Variants in IGF2BP3 observed in about 807,000 individuals in gnomAD.
IGF2BP3 encodes insulin-like growth factor 2 mRNA-binding protein 3.
In IGF2BP3, 9 loss-of-function variants were observed where a neutral mutation model predicts 73.8. The observed-to-expected ratio is 0.12, with a 90% CI of 0.07 to 0.21. The LOEUF is 0.21. IGF2BP3 is among the 10% of genes least tolerant of loss of function. The pLI is 1.00. For missense variants in IGF2BP3, 542 were observed against 714.0 expected, an observed-to-expected ratio of 0.76 and a Z score of 2.75; for synonymous variants, 258 against 256.7, an observed-to-expected ratio of 1.01 and a Z score of -0.05.
At chr7:23,380,355 G>T (rs371967842) in intron 3 of IGF2BP3, among the ~76,000 whole-genome samples, 1 of 151,886 alleles carries the variant, frequency 6.6e-6, no homozygotes, top group South Asian at 2.1e-4. Context: ...AGTAGAGACG[G>T]GGTTTCACTG....
intron 12 of IGF2BP3, among the ~76,000 whole-genome samples, chr7:23,314,251 T>A (rs1476316458): frequency 6.6e-6 from 1 of 151,738 alleles, no homozygotes; most frequent in Admixed American, 6.6e-5. Context: ...GGCACGATCT[T>A]GGGTCACTGC....
chr7:23,391,088 C>T (rs1390732533), intron 3 of IGF2BP3, among the ~76,000 whole-genome samples: 1 of 145,364 alleles, frequency 6.9e-6, no homozygotes, highest in African/African-American at 2.5e-5. Context: ...CGTGAACCAT[C>T]GCGCCTGGCT....
intron 3 of IGF2BP3, among the ~76,000 whole-genome samples, chr7:23,392,607 C>G (rs1214982011): frequency 2.0e-5 from 3 of 151,676 alleles, no homozygotes; most frequent in African/African-American, 7.3e-5. Flanking sequence ...TTTCTGTTTT[C>G]TACAGTGAAC....
chr7:23,400,652 C>G (rs112801494), intron 3 of IGF2BP3, among the ~76,000 whole-genome samples: 1 of 152,226 alleles, frequency 6.6e-6, no homozygotes, highest in African/African-American at 2.4e-5. Flanking sequence ...CACACGAGAA[C>G]AACTTCAAAA....
chr7:23,443,065 CGT>C (rs1787973025), intron 2 of IGF2BP3, among the ~76,000 whole-genome samples: 1 of 149,584 alleles, frequency 6.7e-6, no homozygotes, highest in African/African-American at 2.5e-5. Context: ...AAAAGTAAAC[CGT>C]ATCAATCAGA....
At chr7:23,333,350 A>G (rs1784489346) in intron 10 of IGF2BP3, among the ~76,000 whole-genome samples, 1 of 152,220 alleles carries the variant, frequency 6.6e-6, no homozygotes, top group Non-Finnish European at 1.5e-5. Flanking sequence ...CCCAGAGAAC[A>G]CTAATGTAGC....
At position 23,470,077 on chromosome 7, in the gene IGF2BP3, T is replaced by C; in HGVS notation, c.34A>G (p.Asn12Asp). The C allele has an allele frequency of 6.2e-7, 1 of 1,609,550 alleles. No individual in the cohort carries two copies. Among genetic ancestry groups the C allele is most frequent in the South Asian group, 1.1e-5 (1 of 90,504 alleles). The change falls in exon 1 of 15, where the codon AAC becomes GAC. Residue 12 changes from asparagine to aspartate, a missense_variant. This residue lies in a region of IGF2BP3 where 239 missense variants were observed against 241.9 expected (regional missense o/e 0.99). Coordinates refer to ENST00000258729, the MANE Select transcript of IGF2BP3 (RefSeq NM_006547.3). ...NKLYIGNLSE[N>D]AAPSDLESIF... ...CTTTCTAGGTCCGAGGGGGCGGCGTTCTCGCTGAGGTTTCCGATATACAGT... is the reference window on the plus strand; with the variant it reads ...CTTTCTAGGTCCGAGGGGGCGGCGTCCTCGCTGAGGTTTCCGATATACAGT...
Position 23,435,292 on chromosome 7 carries a change from C to CAAA in IGF2BP3, c.237-16471_237-16469dup, listed in dbSNP as rs35846648. Among the ~76,000 whole-genome samples, 39 of 47,958 alleles carry CAAA rather than the reference C, an allele frequency of 8.1e-4. 1 individual carries two copies. The highest frequency in any genetic ancestry group is 2.2e-3 in the African/African-American group (30 of 13,412). The allele number at this position is 47,958 out of a possible 152,430, so 31.5% of individuals were successfully genotyped here. On this transcript the variant is annotated intron_variant, in intron 2 of 14. Coordinates refer to ENST00000258729, the MANE Select transcript of IGF2BP3 (RefSeq NM_006547.3). ...CAGGCGACAGAGCAAGACTCTGTCT[C>CAAA]AAAAAAAAAAAAAAAAAAAAAAAAA...
At chr7:23,468,685 G>A (rs1014586102) in intron 1 of IGF2BP3, 143 bp from the exon 2 acceptor site, 3 of 779,500 alleles carry the variant, frequency 3.8e-6, no homozygotes, top group Non-Finnish European at 6.5e-6. Context: ...TCCAGGCGGA[G>A]GGAGAAGCCG....
chr7:23,458,425 C>T (rs1035432059), intron 2 of IGF2BP3, among the ~76,000 whole-genome samples: 7 of 152,032 alleles, frequency 4.6e-5, no homozygotes, highest in African/African-American at 1.7e-4. Context: ...ACATTCAAGA[C>T]ATTTTTTTCT....
At chr7:23,440,967 T>A (rs1053834816) in intron 2 of IGF2BP3, among the ~76,000 whole-genome samples, 2 of 152,180 alleles carry the variant, frequency 1.3e-5, no homozygotes, top group African/African-American at 2.4e-5. Context: ...TTTACCCCTA[T>A]GTTTACAACT....
intron 7 of IGF2BP3, among the ~76,000 whole-genome samples, chr7:23,347,086 C>T (rs961318391): frequency 3.3e-5 from 5 of 152,148 alleles, no homozygotes; most frequent in East Asian, 3.9e-4. Flanking sequence ...CTGTTCTGTA[C>T]GCTAAACGTG....
chr7:23,385,188 A>T (rs1331635969), intron 3 of IGF2BP3, among the ~76,000 whole-genome samples: 1 of 152,206 alleles, frequency 6.6e-6, no homozygotes, highest in African/African-American at 2.4e-5. Flanking sequence ...TGGAGCTCTC[A>T]AATCTATGGC....
chr7:23,313,450 A>G, intron 13 of IGF2BP3, 72 bp downstream of exon 13: 3 of 1,516,386 alleles, frequency 2.0e-6, no homozygotes, highest in Non-Finnish European at 2.7e-6. Context: ...AAATTCGGGG[A>G]CTTGGAACTC....
intron 10 of IGF2BP3, among the ~76,000 whole-genome samples, chr7:23,332,469 C>G (rs923673086): frequency 6.6e-6 from 1 of 152,228 alleles, no homozygotes; most frequent in Non-Finnish European, 1.5e-5. Context: ...TCCCTTCTGG[C>G]TATTCAGCAT....
intron 2 of IGF2BP3, among the ~76,000 whole-genome samples, chr7:23,453,030 T>C (rs1280294421): frequency 6.6e-6 from 1 of 151,150 alleles, no homozygotes; most frequent in Non-Finnish European, 1.5e-5. Flanking sequence ...GAGAATCCCT[T>C]ACCCAGCAGG....
In IGF2BP3 at chr7:23,312,160, C is replaced by A. The variant is rs1232461486; in HGVS notation, c.*202G>T. The A allele has an allele frequency of 4.9e-6, 2 of 404,768 alleles. No homozygotes were observed. Among genetic ancestry groups the A allele is most frequent in the Non-Finnish European group, 8.9e-6 (2 of 224,344 alleles). 25.1% of individuals were successfully genotyped at this position (404,768 alleles called of 1,614,324 possible). A position where few individuals can be genotyped will look rare whatever the true frequency, so the allele number is the denominator to read the frequency against. On this transcript the variant is annotated 3_prime_UTR_variant, in exon 15 of 15. Coordinates refer to ENST00000258729, the MANE Select transcript of IGF2BP3 (RefSeq NM_006547.3). ...GTTTGTTTGTTTGTTTGTTTTAAAG[C>A]TGGGTGTCATACATTTCAGAGAGCA...
intron 3 of IGF2BP3, among the ~76,000 whole-genome samples, 181 bp from the exon 4 acceptor site, chr7:23,361,922 C>A (rs1267723827): frequency 1.3e-5 from 2 of 152,196 alleles, no homozygotes; most frequent in African/African-American, 4.8e-5. Context: ...CTTGTCTCTT[C>A]TGCCCTCTCC....
chr7:23,466,976 G>A (rs980840157), intron 2 of IGF2BP3, among the ~76,000 whole-genome samples: 2 of 152,078 alleles, frequency 1.3e-5, no homozygotes, highest in Admixed American at 6.5e-5. Context: ...TTGTAAAATG[G>A]GCTTATGTTT....
Sources: gnomAD v4.1 joint callset for allele counts (sites outside exome capture counted in the v4.1 genomes callset) on GRCh38, gnomAD v4.1.1 for gene constraint, gnomAD v4.1.1 regional missense constraint, MANE v1.5 for transcripts, NCBI Gene and HGNC (gene_info 2026-07-23, HGNC 2026-07-21) for gene names.